The following NGLY1 variants were observed in gnomAD, a reference collection of about 807,000 sequenced individuals.
NGLY1 encodes peptide-N(4)-(N-acetyl-beta-glucosaminyl)asparagine amidase.
NGLY1 carries 68 observed loss-of-function variants against 84.6 expected under a neutral mutation model. The observed-to-expected ratio is 0.80, with a 90% CI of 0.66 to 0.98. The LOEUF is 0.98. NGLY1 is among the 50% of genes least tolerant of loss of function. The probability of loss-of-function intolerance (pLI) is 0.00; values close to 1 mark genes in which losing one functional copy is unlikely to be tolerated. For missense variants in NGLY1, 779 were observed against 770.2 expected (o/e 1.01, Z -0.14); for synonymous variants, 280 against 275.2 (o/e 1.02, Z -0.17).
At chr3:25,750,033 C>A in intron 4 of NGLY1, 1 of 498,900 alleles carries the variant, frequency 2.0e-6, no homozygotes, top group African/African-American at 2.0e-5. Context: ...GAAATACCTG[C>A]AACTGGGTAA....
intron 4 of NGLY1, chr3:25,749,840 C>T (rs11924657): frequency 3.7e-6 from 4 of 1,075,440 alleles, no homozygotes; most frequent in Admixed American, 3.4e-5. Flanking sequence ...AGCCACCCAG[C>T]TGGCCATCAG....
intron 4 of NGLY1, among the ~76,000 whole-genome samples, chr3:25,742,009 TAAATTTCTAAATACA>T (rs2125491656): frequency 6.6e-6 from 1 of 152,154 alleles, no homozygotes; most frequent in Non-Finnish European, 1.5e-5. Flanking sequence ...CTCAAAAAGA[TAAATTTCTAAATACA>T]TAAAGAACTT....
At chr3:25,775,097 C>G (rs1708093765) in intron 2 of NGLY1, among the ~76,000 whole-genome samples, 1 of 152,254 alleles carries the variant, frequency 6.6e-6, no homozygotes, top group African/African-American at 2.4e-5. Context: ...CCCCGTCACA[C>G]TTCGGGCACT....
chr3:25,737,989 T>C (rs193218080), intron 5 of NGLY1, among the ~76,000 whole-genome samples: 1 of 152,304 alleles, frequency 6.6e-6, no homozygotes, highest in East Asian at 1.9e-4. Context: ...ATAATTTAAA[T>C]ATATGGCAGA....
chr3:25,762,702 A>C (rs1035600092), intron 3 of NGLY1, among the ~76,000 whole-genome samples: 1 of 152,184 alleles, frequency 6.6e-6, no homozygotes, highest in Non-Finnish European at 1.5e-5. Flanking sequence ...TCTGTAATCC[A>C]GCACTTTGGG....
Position 25,737,440 on chromosome 3 carries a change from C to A in NGLY1, c.897G>T (p.Glu299Asp), listed in dbSNP as rs201068823. The change falls in exon 6 of 12, where the codon GAG (glutamate) becomes GAT (aspartate). Residue 299 changes from glutamate to aspartate, a missense_variant. Physicochemically the swap from Glu to Asp is conservative, Grantham distance 45. Transcript: ENST00000280700. ...GTCCACATCTTGTTTCCAAAAGTTT[C>A]TCAGGGTTATTATATCTGGTTTAAA... ...SNRFPRYNNPEKLLETRCGRC... is the reference protein window; with the variant it reads ...SNRFPRYNNPDKLLETRCGRC... 63 of 1,610,832 alleles carry A rather than the reference C, an allele frequency of 3.9e-5. No individual in the cohort carries two copies. Among genetic ancestry groups the A allele is most frequent in the Non-Finnish European group, 5.2e-5 (61 of 1,178,684 alleles).
intron 2 of NGLY1, among the ~76,000 whole-genome samples, chr3:25,767,613 A>G (rs1439825804): frequency 6.6e-6 from 1 of 152,186 alleles, no homozygotes; most frequent in African/African-American, 2.4e-5. Context: ...TCACTCTCAG[A>G]AACTGTCATA....
intron 2 of NGLY1, among the ~76,000 whole-genome samples, chr3:25,766,934 G>A (rs925659721): frequency 3.9e-5 from 6 of 152,058 alleles, no homozygotes; most frequent in African/African-American, 1.4e-4. Flanking sequence ...TTAACCAACA[G>A]CACTGTTATT....
intron 2 of NGLY1, among the ~76,000 whole-genome samples, chr3:25,766,383 T>C (rs997647693): frequency 6.6e-6 from 1 of 152,014 alleles, no homozygotes; most frequent in Admixed American, 6.6e-5. Flanking sequence ...CACATGAAAA[T>C]ACAAAGGCTC....
chr3:25,786,384 T>G (rs1204926848), upstream of NGLY1, among the ~76,000 whole-genome samples: 1 of 150,762 alleles, frequency 6.6e-6, no homozygotes, highest in Non-Finnish European at 1.5e-5. Flanking sequence ...TTAATAAAGG[T>G]GAAATCCTGG....
chr3:25,749,868 C>T (rs1010793600), intron 4 of NGLY1: 69 of 901,302 alleles, frequency 7.7e-5, no homozygotes, highest in South Asian at 3.6e-4. Context: ...AACCCCAATG[C>T]CAGGCTGCAC....
chr3:25,783,189 A>G lies in NGLY1; in HGVS notation c.131+71T>C. 1 of 1,423,114 alleles carries G rather than the reference A, an allele frequency of 7.0e-7. No homozygotes were observed. The highest frequency in any genetic ancestry group is 2.4e-5 in the East Asian group (1 of 41,644). The allele number at this position is 1,423,114 out of a possible 1,614,324, so 88.2% of individuals were successfully genotyped here. On this transcript the variant is annotated intron_variant, in intron 1 of 11. Coordinates refer to ENST00000280700, the MANE Select transcript of NGLY1 (RefSeq NM_018297.4). This position sits in a 1 kb window ranked among gnomAD's most constrained non-coding sequence, Gnocchi z 4.5. ...CTCTGAAGCTCAGGCCGGACGCCCC[A>G]GTCCCTGGCCGAACAAGGTGCCGCG... is the stretch of plus-strand genomic sequence containing the variant.
intron 10 of NGLY1, among the ~76,000 whole-genome samples, chr3:25,727,252 T>A (rs1174141780): frequency 6.6e-6 from 1 of 151,934 alleles, no homozygotes; most frequent in Non-Finnish European, 1.5e-5. Context: ...TCACTCAACT[T>A]AAAAAAAATG....
chr3:25,743,386 G>T (rs1265586957), intron 4 of NGLY1, among the ~76,000 whole-genome samples: 1 of 152,086 alleles, frequency 6.6e-6, no homozygotes, highest in Non-Finnish European at 1.5e-5. Flanking sequence ...TGCTCTCCCT[G>T]CCATCTCTTA....
chr3:25,726,251 T>C (rs931838104), intron 10 of NGLY1, among the ~76,000 whole-genome samples: 1 of 152,148 alleles, frequency 6.6e-6, no homozygotes, highest in African/African-American at 2.4e-5. Context: ...TTCACCAATC[T>C]TTACTAAACA....
Position 25,736,540 on chromosome 3 carries a change from G to T in NGLY1, c.1004-391C>A, listed in dbSNP as rs886503425. 2.5e-5 allele frequency: 15 copies of T among 598,482 alleles called. No homozygotes were observed. In the East Asian group the frequency reaches 4.0e-4, roughly 16 times the overall value. 37.1% of individuals were successfully genotyped at this position (598,482 alleles called of 1,614,324 possible). On this transcript the variant is annotated intron_variant, in intron 6 of 11. Coordinates refer to ENST00000280700, the MANE Select transcript of NGLY1 (RefSeq NM_018297.4). ...CCCAGAACCAGCAGGAAGTCTAATA[G>T]AATCTCTGGTCAATACATGCTTTAT...
intron 5 of NGLY1, 48 bp from the exon 6 acceptor site, chr3:25,737,503 A>G (rs1411322641): frequency 6.8e-7 from 1 of 1,474,026 alleles, no homozygotes; most frequent in South Asian, 1.3e-5. Context: ...CAAGATTTTT[A>G]AGAGAATTTA....
chr3:25,734,821 TA>T, intron 7 of NGLY1: 1 of 946,526 alleles, frequency 1.1e-6, no homozygotes, highest in Non-Finnish European at 1.3e-6. Context: ...AACGCTATGA[TA>T]AAAAAGTGAA....
chr3:25,739,258 C>A (rs1297244916), intron 5 of NGLY1, among the ~76,000 whole-genome samples: 1 of 152,178 alleles, frequency 6.6e-6, no homozygotes, highest in African/African-American at 2.4e-5. Flanking sequence ...CAAGAGTCAA[C>A]AAATTTCCTA....
Sources: gnomAD v4.1 joint callset for allele counts (sites outside exome capture counted in the v4.1 genomes callset) on GRCh38, gnomAD v4.1.1 for gene constraint, Gnocchi (gnomAD v3.1) non-coding constraint, MANE v1.5 for transcripts, NCBI Gene and HGNC (gene_info 2026-07-23, HGNC 2026-07-21) for gene names.